Variants in TENM3 observed in about 807,000 individuals in gnomAD.
TENM3 encodes the protein teneurin transmembrane protein 3.
TENM3 carries 63 observed loss-of-function variants against 255.1 expected under a neutral mutation model. The ratio of observed to expected loss-of-function variants is 0.25; its 90% confidence interval spans 0.20 to 0.30. TENM3 has a LOEUF of 0.30. Ranked by LOEUF, TENM3 falls within the 10% of genes least tolerant of loss-of-function variation. The probability of loss-of-function intolerance (pLI) is 1.00; values close to 1 mark genes in which losing one functional copy is unlikely to be tolerated. For synonymous variants in TENM3, 1,306 were observed against 1,322.3 expected (o/e 0.99, Z 0.27); for missense variants, 2,929 against 3,461.1 (o/e 0.85, Z 3.86).
the TENM3 span, among the ~76,000 whole-genome samples, chr4:181,771,583 C>G: frequency 3.3e-5 from 5 of 152,150 alleles, no homozygotes; most frequent in South Asian, 1.0e-3. Flanking sequence ...CAGAGATGCC[C>G]GGCAGACAAA....
intron 11 of TENM3, 147 bp downstream of exon 11, chr4:182,682,161 T>C (rs541427512): frequency 2.8e-6 from 2 of 710,402 alleles, no homozygotes; most frequent in South Asian, 2.0e-5. Context: ...AGTAATGATA[T>C]GTAGTTGCCT....
In TENM3 at chr4:182,732,810, A is replaced by C. The variant is rs1174428683; in HGVS notation, c.2967+1671A>C. 3.3e-5 allele frequency among the ~76,000 whole-genome samples: 5 copies of C among 152,146 alleles called. No individual in the cohort carries two copies. The East Asian group carries it at 9.6e-4, about 29-fold the overall frequency. On this transcript the variant is annotated intron_variant, in intron 16 of 27. Transcript: ENST00000511685. ...ACTGCACTCCAGCCTGGGTGCTGGG[A>C]GTGAGACCCTGTCTCAAAAATATAT...
the TENM3 span, among the ~76,000 whole-genome samples, chr4:181,516,729 T>C: frequency 6.6e-6 from 1 of 151,812 alleles, no homozygotes; most frequent in Admixed American, 6.6e-5. Flanking sequence ...TCAGCCGAGA[T>C]TGCACCATTG....
the TENM3 span, among the ~76,000 whole-genome samples, chr4:182,081,382 G>A: frequency 5.9e-5 from 9 of 151,898 alleles, no homozygotes; most frequent in East Asian, 7.9e-4. Flanking sequence ...TCAGGAGTTC[G>A]AGACCAGCCT....
At chr4:181,956,065 T>C in the TENM3 span, among the ~76,000 whole-genome samples, 1 of 152,264 alleles carries the variant, frequency 6.6e-6, no homozygotes, top group South Asian at 2.1e-4. Flanking sequence ...CAAGGCAGAT[T>C]TTGTGTCTGG....
chr4:182,567,662 A>G (rs565147797), intron 3 of TENM3, among the ~76,000 whole-genome samples: 2 of 151,838 alleles, frequency 1.3e-5, no homozygotes, highest in Admixed American at 1.3e-4. Context: ...CATCTCTTCC[A>G]TTCAGTCTTT....
chr4:181,734,224 A>C, the TENM3 span, among the ~76,000 whole-genome samples: 2 of 152,106 alleles, frequency 1.3e-5, no homozygotes, highest in South Asian at 4.1e-4. Flanking sequence ...AATAGGTAAA[A>C]ATGCTTTGAG....
chr4:181,937,547 A>G, the TENM3 span, among the ~76,000 whole-genome samples: 43 of 152,182 alleles, frequency 2.8e-4, no homozygotes, highest in Non-Finnish European at 3.1e-4. Context: ...GATGCAGGGG[A>G]TGAACAAAAG....
chr4:182,269,092 A>T (rs1360013384), intron 1 of TENM3, among the ~76,000 whole-genome samples: 3 of 152,214 alleles, frequency 2.0e-5, no homozygotes, highest in Non-Finnish European at 4.4e-5. Context: ...TAGTATTCAA[A>T]TGACTCACAA....
chr4:182,466,311 A>G (rs1478440055), intron 3 of TENM3, among the ~76,000 whole-genome samples: 1 of 152,138 alleles, frequency 6.6e-6, no homozygotes, highest in Non-Finnish European at 1.5e-5. Context: ...TACTCTAGGG[A>G]AGAATCCTCC....
the TENM3 span, among the ~76,000 whole-genome samples, chr4:181,507,832 G>A: frequency 1.3e-5 from 2 of 151,100 alleles, no homozygotes; most frequent in African/African-American, 4.9e-5. Flanking sequence ...ACATTGCTTA[G>A]GCGGTTTTCT....
the TENM3 span, among the ~76,000 whole-genome samples, chr4:181,854,905 T>G: frequency 6.6e-6 from 1 of 152,192 alleles, no homozygotes; most frequent in African/African-American, 2.4e-5. Flanking sequence ...TTAGCTAGCA[T>G]AAGGGTTTGA....
chr4:182,603,784 T>TATATATATATATATATATATATATATAC (rs58332965), intron 4 of TENM3, among the ~76,000 whole-genome samples: 36 of 134,188 alleles, frequency 2.7e-4, no homozygotes, highest in South Asian at 1.3e-3. Flanking sequence ...TATATATATA[T>TATATATATATATATATATATATATATAC]ACACACACAC....
At chr4:181,499,818 T>TA in the TENM3 span, among the ~76,000 whole-genome samples, 1 of 152,208 alleles carries the variant, frequency 6.6e-6, no homozygotes, top group Non-Finnish European at 1.5e-5. Flanking sequence ...CTCAGTTTTA[T>TA]ACTTGGGATA....
At chr4:181,697,919 A>T in the TENM3 span, among the ~76,000 whole-genome samples, 1 of 152,114 alleles carries the variant, frequency 6.6e-6, no homozygotes. Context: ...AAAGCGCTTA[A>T]GATAAAATGT....
the TENM3 span, among the ~76,000 whole-genome samples, chr4:181,876,668 A>G: frequency 2.0e-5 from 3 of 152,192 alleles, no homozygotes; most frequent in Non-Finnish European, 2.9e-5. Flanking sequence ...AATTTTCATC[A>G]GCTGCCGGAA....
At chr4:182,052,374 A>G in the TENM3 span, among the ~76,000 whole-genome samples, 1 of 152,090 alleles carries the variant, frequency 6.6e-6, no homozygotes, top group Non-Finnish European at 1.5e-5. Context: ...CTCAGGCTAC[A>G]GAAGTGTGCA....
chr4:182,434,188 A>T (rs1771876075), intron 3 of TENM3, among the ~76,000 whole-genome samples: 1 of 152,154 alleles, frequency 6.6e-6, no homozygotes, highest in Non-Finnish European at 1.5e-5. Flanking sequence ...TCATTGTGAA[A>T]ATAGAAGTGC....
the TENM3 span, among the ~76,000 whole-genome samples, chr4:181,622,566 C>T: frequency 6.6e-6 from 1 of 152,058 alleles, no homozygotes; most frequent in Non-Finnish European, 1.5e-5. Flanking sequence ...ATGTCAGCTA[C>T]TCGGGAGGTT....
Sources: gnomAD v4.1 joint callset for allele counts (sites outside exome capture counted in the v4.1 genomes callset) on GRCh38, gnomAD v4.1.1 for gene constraint, MANE v1.5 for transcripts, NCBI Gene and HGNC (gene_info 2026-07-23, HGNC 2026-07-21) for gene names.